CDH13: variants seen among roughly 807,000 people sequenced by gnomAD.
CDH13 encodes cadherin-13.
In CDH13, 24 loss-of-function variants were observed where a neutral mutation model predicts 63.8. The ratio of observed to expected loss-of-function variants is 0.38; its 90% CI spans 0.27 to 0.53. The LOEUF is 0.53. Among genes scored for constraint, CDH13 ranks in the 20% least tolerant of loss-of-function variants. CDH13 has a pLI of 0.85. For missense variants in CDH13, 1,049 were observed against 903.1 expected, an observed-to-expected ratio of 1.16 and a Z score of -2.07; for synonymous variants, 503 against 355.3, an observed-to-expected ratio of 1.42 and a Z score of -4.67.
At chr16:83,244,150 C>A (rs1904753237) in intron 5 of CDH13, among the ~76,000 whole-genome samples, 1 of 151,972 alleles carries the variant, frequency 6.6e-6, no homozygotes, top group Non-Finnish European at 1.5e-5. Flanking sequence ...GCTCGCTGAG[C>A]TTTCTGTCTG....
At chr16:83,717,263 A>T (rs934151448) in intron 10 of CDH13, among the ~76,000 whole-genome samples, 2 of 152,176 alleles carry the variant, frequency 1.3e-5, no homozygotes, top group Admixed American at 1.3e-4. Context: ...CTATCTCCAA[A>T]AAAAAAAGAA....
intron 5 of CDH13, among the ~76,000 whole-genome samples, chr16:83,295,255 A>G (rs11860183): frequency 0.58 from 87,499 of 151,988 alleles, 25,404 homozygotes; most frequent in South Asian, 0.71. Context: ...TTTAAATGTA[A>G]GACTTGAAAC....
chr16:82,877,962 T>C (rs12446358), intron 2 of CDH13, among the ~76,000 whole-genome samples: 855 of 41,754 alleles, frequency 0.02, 10 homozygotes, highest in Non-Finnish European at 0.025. Flanking sequence ...CACACACACA[T>C]ATACACACAC....
At chr16:82,913,403 C>A (rs1394773335) in intron 2 of CDH13, among the ~76,000 whole-genome samples, 1 of 152,076 alleles carries the variant, frequency 6.6e-6, no homozygotes, top group Non-Finnish European at 1.5e-5. Flanking sequence ...GTGCTTGGAG[C>A]CTTTTCTTTC....
chr16:82,700,540 TG>T (rs1411627520), intron 1 of CDH13, among the ~76,000 whole-genome samples: 1 of 151,994 alleles, frequency 6.6e-6, no homozygotes, highest in Non-Finnish European at 1.5e-5. Flanking sequence ...TGTGTGTGTG[TG>T]TGTGTCTGTG....
At chr16:83,507,259 T>G (rs1394355630) in intron 7 of CDH13, among the ~76,000 whole-genome samples, 1 of 152,222 alleles carries the variant, frequency 6.6e-6, no homozygotes, top group Non-Finnish European at 1.5e-5. Context: ...ACAGTCTCTC[T>G]CCTCTGTCGA....
At chr16:83,391,652 C>T (rs1053295840) in intron 6 of CDH13, among the ~76,000 whole-genome samples, 3 of 152,204 alleles carry the variant, frequency 2.0e-5, no homozygotes, top group East Asian at 1.9e-4. Context: ...CCAGAGTATC[C>T]TCACACAGGG....
intron 2 of CDH13, among the ~76,000 whole-genome samples, chr16:82,939,917 G>T (rs1236922395): frequency 1.3e-5 from 2 of 152,156 alleles, no homozygotes; most frequent in East Asian, 1.9e-4. Context: ...GGAAAAAGAG[G>T]TTTGATGGAC....
chr16:82,747,298 A>C (rs2151064022), intron 1 of CDH13, among the ~76,000 whole-genome samples: 1 of 152,360 alleles, frequency 6.6e-6, no homozygotes, highest in Non-Finnish European at 1.5e-5. Context: ...TACAATTAGA[A>C]GACCCTCAGG....
At chr16:82,781,777 C>T (rs2035766520) in intron 1 of CDH13, among the ~76,000 whole-genome samples, 1 of 152,182 alleles carries the variant, frequency 6.6e-6, no homozygotes, top group Non-Finnish European at 1.5e-5. Context: ...AAACTGTAAG[C>T]ATTGGTAATA....
chr16:83,745,339 T>C (rs1483118066), intron 10 of CDH13, among the ~76,000 whole-genome samples: 1 of 152,182 alleles, frequency 6.6e-6, no homozygotes, highest in Admixed American at 6.5e-5. Context: ...CTCAGGTCAG[T>C]TCACATGACC....
At chr16:83,421,365 G>A (rs2071709031) in intron 6 of CDH13, among the ~76,000 whole-genome samples, 1 of 152,220 alleles carries the variant, frequency 6.6e-6, no homozygotes, top group African/African-American at 2.4e-5. Context: ...AAGGTAGGCA[G>A]TTAAGAGTGT....
intron 4 of CDH13, among the ~76,000 whole-genome samples, chr16:83,175,610 G>T (rs879711298): frequency 6.6e-6 from 1 of 152,032 alleles, no homozygotes; most frequent in African/African-American, 2.4e-5. Context: ...TTTGAGAATA[G>T]CCTTGACCAG....
intron 1 of CDH13, among the ~76,000 whole-genome samples, chr16:82,682,392 G>A (rs2150962566): frequency 6.6e-6 from 1 of 152,286 alleles, no homozygotes; most frequent in African/African-American, 2.4e-5. Flanking sequence ...CTGGCATGAT[G>A]AGAAACAGAG....
chr16:83,245,524 G>C (rs1276307407), intron 5 of CDH13, among the ~76,000 whole-genome samples: 1 of 152,184 alleles, frequency 6.6e-6, no homozygotes, highest in African/African-American at 2.4e-5. Context: ...ACTCCATCTA[G>C]GCTTCGAGTT....
chr16:83,731,381 A>T (rs1911029217), intron 10 of CDH13, among the ~76,000 whole-genome samples: 2 of 152,056 alleles, frequency 1.3e-5, no homozygotes, highest in South Asian at 4.1e-4. Context: ...ATGGTATCTC[A>T]TTGTGGTTTT....
In CDH13 at chr16:82,696,094, C is replaced by A. The variant is rs551870028; in HGVS notation, c.45+68957C>A. ...TAGATGTGCTTGACCAGGGAAAGCC[C>A]CTAGATTTGTGTTAATCTTTTGGGG... On this transcript the variant is annotated intron_variant, in intron 1 of 13. Transcript: ENST00000567109. Among the ~76,000 whole-genome samples the A allele has an allele frequency of 1.6e-4, 24 of 152,218 alleles. No homozygotes were observed. The South Asian group carries it at 5.0e-3, about 32-fold the overall frequency.
chr16:83,276,455 A>T (rs2088991677), intron 5 of CDH13, among the ~76,000 whole-genome samples: 1 of 152,102 alleles, frequency 6.6e-6, no homozygotes, highest in Non-Finnish European at 1.5e-5. Context: ...GTATGAGTTC[A>T]TTTTCACCCT....
intron 2 of CDH13, among the ~76,000 whole-genome samples, chr16:82,899,599 CTG>C (rs139413421): frequency 3.3e-5 from 5 of 150,882 alleles, no homozygotes; most frequent in East Asian, 1.9e-4. Context: ...GTGTAGGTGC[CTG>C]TGTGTGTGTG....
Sources: allele counts gnomAD v4.1 joint callset (sites outside exome capture counted in the v4.1 genomes callset), GRCh38; gene constraint gnomAD v4.1.1; transcripts MANE v1.5; gene names NCBI Gene and HGNC (gene_info 2026-07-23, HGNC 2026-07-21).